ACTR3C: variants seen among roughly 807,000 people sequenced by gnomAD.
ACTR3C encodes the protein actin related protein 3C.
In ACTR3C, 18 loss-of-function variants were observed where a neutral mutation model predicts 26.3. That is an observed-to-expected ratio of 0.68 (90% CI 0.47 to 1.01). ACTR3C has a LOEUF of 1.01. ACTR3C is among the 50% of genes least tolerant of loss of function. The pLI, the probability that ACTR3C is intolerant of heterozygous loss-of-function variation, is 0.00. For missense variants in ACTR3C, 184 were observed against 250.7 expected (o/e 0.73, Z 1.80); for synonymous variants, 55 against 94.5 (o/e 0.58, Z 2.42).
the ACTR3C span, among the ~76,000 whole-genome samples, chr7:150,206,881 T>C: frequency 6.6e-6 from 1 of 152,264 alleles, no homozygotes; most frequent in Admixed American, 6.5e-5. Flanking sequence ...TAAAAGTTGC[T>C]TTATTGTTTT....
chr7:150,204,866 G>A, the ACTR3C span, among the ~76,000 whole-genome samples: 4 of 151,562 alleles, frequency 2.6e-5, no homozygotes, highest in Admixed American at 6.6e-5. Context: ...GAGGAGGAGC[G>A]AGGAACATGC....
the ACTR3C span, among the ~76,000 whole-genome samples, chr7:150,078,295 A>G: frequency 1.0e-4 from 15 of 145,516 alleles, no homozygotes; most frequent in African/African-American, 3.9e-4. Context: ...CATGCCATAA[A>G]CCGTCTATCT....
the ACTR3C span, chr7:150,073,880 C>T: frequency 2.0e-5 from 3 of 152,084 alleles, no homozygotes; most frequent in African/African-American, 4.8e-5. Context: ...TTATAATAAG[C>T]TTTGTTATTT....
chr7:150,167,360 TTATAA>T, the ACTR3C span, among the ~76,000 whole-genome samples: 1 of 150,840 alleles, frequency 6.6e-6, no homozygotes, highest in Non-Finnish European at 1.5e-5. Flanking sequence ...TTTAGGGTTC[TTATAA>T]TATGCCTTGT....
chr7:150,292,548 T>G (rs998712589), intron 3 of ACTR3C, among the ~76,000 whole-genome samples: 8 of 147,630 alleles, frequency 5.4e-5, no homozygotes, highest in Non-Finnish European at 8.9e-5. Context: ...GTTGCCCAGC[T>G]GGGGTGCAAT....
the ACTR3C span, among the ~76,000 whole-genome samples, chr7:150,037,930 T>TC: frequency 3.1e-5 from 4 of 129,618 alleles, no homozygotes; most frequent in African/African-American, 5.9e-5. Context: ...GAGGGGTGCC[T>TC]CCCCCCCTGC....
rs1833083303 is a variant in ACTR3C at position 150,254,659 on chromosome 7, CCA to C, written c.565-5607_565-5606del. Among the ~76,000 whole-genome samples the C allele has an allele frequency of 2.0e-5, 3 of 152,084 alleles. No homozygotes were observed. In the South Asian group the frequency reaches 6.2e-4, roughly 32 times the overall value. On this transcript the variant is annotated intron_variant, in intron 6 of 7. Coordinates refer to ENST00000683684, the MANE Select transcript of ACTR3C (RefSeq NM_001164458.2). The stretch of plus-strand genomic sequence containing the variant: ...TTACCCCTCCCTTATTCCTGCTTTC[CCA>C]CACTTGGTTACATTTCTTCCTCACT...
chr7:150,156,583 G>A, the ACTR3C span, among the ~76,000 whole-genome samples: 2 of 151,982 alleles, frequency 1.3e-5, no homozygotes, highest in African/African-American at 2.4e-5. Flanking sequence ...AGAAAGAGAG[G>A]AGAGGGAGAG....
At chr7:150,200,184 T>C in the ACTR3C span, among the ~76,000 whole-genome samples, 1 of 152,256 alleles carries the variant, frequency 6.6e-6, no homozygotes, top group Non-Finnish European at 1.5e-5. Flanking sequence ...GTGGACATTT[T>C]GATTAATTTA....
the ACTR3C span, among the ~76,000 whole-genome samples, chr7:150,137,770 C>T: frequency 3.0e-4 from 46 of 152,080 alleles, 2 homozygotes; most frequent in Middle Eastern, 0.014. Flanking sequence ...TGTGTATTAG[C>T]GTGTGAAGCA....
chr7:150,120,373 T>G, the ACTR3C span, among the ~76,000 whole-genome samples: 1 of 151,692 alleles, frequency 6.6e-6, no homozygotes, highest in Non-Finnish European at 1.5e-5. Flanking sequence ...AAGAATCAAA[T>G]AGACACAATA....
the ACTR3C span, among the ~76,000 whole-genome samples, chr7:150,209,206 C>CAGAGAGAG: frequency 7.3e-6 from 1 of 136,182 alleles, no homozygotes; most frequent in East Asian, 2.0e-4. Flanking sequence ...CACACACATA[C>CAGAGAGAG]AGAGAGAGAG....
At chr7:150,143,418 A>G in the ACTR3C span, among the ~76,000 whole-genome samples, 1 of 152,132 alleles carries the variant, frequency 6.6e-6, no homozygotes, top group Non-Finnish European at 1.5e-5. Flanking sequence ...AGACATAATT[A>G]TTTCTCACTC....
intron 6 of ACTR3C, among the ~76,000 whole-genome samples, chr7:150,252,529 T>C (rs1832926776): frequency 6.6e-6 from 1 of 152,174 alleles, no homozygotes; most frequent in Non-Finnish European, 1.5e-5. Flanking sequence ...GAATACATGA[T>C]ACTAAGCATA....
At chr7:150,251,400 T>C (rs1180133750) in intron 6 of ACTR3C, among the ~76,000 whole-genome samples, 1 of 152,212 alleles carries the variant, frequency 6.6e-6, no homozygotes, top group East Asian at 1.9e-4. Context: ...AATTTTGAGA[T>C]AAATCAAATT....
the ACTR3C span, among the ~76,000 whole-genome samples, chr7:149,904,982 T>G: frequency 2.9e-4 from 44 of 151,918 alleles, no homozygotes; most frequent in Non-Finnish European, 4.7e-4. Flanking sequence ...GCCGAGATCA[T>G]GCCATTGCAC....
rs1266978849 is a variant in ACTR3C, at chr7:150,247,346, T to C, written c.*262A>G. On this transcript the variant is annotated 3_prime_UTR_variant, in exon 8 of 8. Coordinates refer to ENST00000683684, the MANE Select transcript of ACTR3C (RefSeq NM_001164458.2). ...GTGTCGGTATGTTATTAATACTTTC[T>C]CCAAGAACATGCACATCTTCACCTG... 6.6e-6 allele frequency: 1 copy of C among 151,952 alleles called. No individual in the cohort carries two copies. The highest frequency in any genetic ancestry group is 1.5e-5 in the Non-Finnish European group (1 of 67,978). 9.4% of individuals were successfully genotyped at this position (151,952 alleles called of 1,614,324 possible).
At chr7:150,006,364 T>C in the ACTR3C span, among the ~76,000 whole-genome samples, 1 of 149,364 alleles carries the variant, frequency 6.7e-6, no homozygotes, top group Non-Finnish European at 1.5e-5. Context: ...GCCTGGCTAA[T>C]TTTTTTGTAT....
the ACTR3C span, among the ~76,000 whole-genome samples, chr7:150,233,218 C>A: frequency 6.7e-6 from 1 of 148,264 alleles, no homozygotes; most frequent in Non-Finnish European, 1.5e-5. Flanking sequence ...TATTTTTTTT[C>A]TTTATTTTAG....
Sources: gnomAD v4.1 joint callset for allele counts (sites outside exome capture counted in the v4.1 genomes callset) on GRCh38, gnomAD v4.1.1 for gene constraint, MANE v1.5 for transcripts, NCBI Gene and HGNC (gene_info 2026-07-23, HGNC 2026-07-21) for gene names.